Variants in SESTD1 observed in about 807,000 individuals in gnomAD.
The protein encoded by SESTD1 is SEC14 domain and spectrin repeat-containing protein 1.
In SESTD1, 43 loss-of-function variants were observed where a neutral mutation model predicts 101.7. That is an observed-to-expected ratio of 0.42 (90% CI 0.33 to 0.55). SESTD1 has a LOEUF of 0.55. Among genes scored for constraint, SESTD1 ranks in the 20% least tolerant of loss-of-function variants. The pLI is 0.07. For synonymous variants in SESTD1, 283 were observed against 286.8 expected, an observed-to-expected ratio of 0.99 and a Z score of 0.13; for missense variants, 647 against 815.1, an observed-to-expected ratio of 0.79 and a Z score of 2.51.
Position 179,206,463 on chromosome 2 carries a change from T to C in SESTD1, c.-25-14597A>G, listed in dbSNP as rs945628392. Among the ~76,000 whole-genome samples the C allele has an allele frequency of 2.2e-5, 3 of 135,252 alleles. 1 individual carries two copies. Among genetic ancestry groups the C allele is most frequent in the Non-Finnish European group, 3.2e-5 (2 of 62,812 alleles). The allele number at this position is 135,252 out of a possible 152,430, so 88.7% of individuals were successfully genotyped here. ...TGGATTTAGGGAGCTGTGTGAAATA[T>C]AAAAGGAGAAGCAGCAGCTGGAAGA... On this transcript the variant is annotated intron_variant, in intron 1 of 17. Coordinates refer to ENST00000428443, the MANE Select transcript of SESTD1 (RefSeq NM_178123.5).
At chr2:179,226,919 A>C (rs1456297940) in intron 1 of SESTD1, among the ~76,000 whole-genome samples, 5 of 152,202 alleles carry the variant, frequency 3.3e-5, no homozygotes, top group Non-Finnish European at 7.3e-5. Context: ...CAGAGGAAGC[A>C]GGAGAAAAAG....
intron 10 of SESTD1, chr2:179,132,023 A>C (rs753723518): frequency 1.0e-4 from 22 of 216,094 alleles, no homozygotes; most frequent in Non-Finnish European, 1.4e-4. Flanking sequence ...CTATTTTTGT[A>C]TTATCACTCT....
chr2:179,162,385 T>G (rs1288904522), intron 5 of SESTD1: 4 of 152,142 alleles, frequency 2.6e-5, no homozygotes, highest in African/African-American at 9.7e-5. Context: ...GAATACAAAG[T>G]TTAAAGAGAG....
intron 5 of SESTD1, among the ~76,000 whole-genome samples, chr2:179,163,875 A>G (rs2045787115): frequency 6.6e-6 from 1 of 152,196 alleles, no homozygotes; most frequent in South Asian, 2.1e-4. Context: ...TAACTTGCAG[A>G]AAGATTAAAA....
chr2:179,227,067 T>C (rs11898291), intron 1 of SESTD1, among the ~76,000 whole-genome samples: 68,599 of 152,082 alleles, frequency 0.45, 18,296 homozygotes, highest in African/African-American at 0.75. Flanking sequence ...CCATTAGGAT[T>C]ATGAATGAAG....
chr2:179,145,507 TA>T lies in SESTD1; in HGVS notation c.637+894del, dbSNP rs1043635476. 2.4e-4 allele frequency among the ~76,000 whole-genome samples: 36 copies of T among 152,058 alleles called. No homozygotes were observed. The East Asian group carries it at 4.4e-3, about 19-fold the overall frequency. On this transcript the variant is annotated intron_variant, in intron 8 of 17. Transcript: ENST00000428443. ...TAGGATTAGAATTATGAGCTATTAT[TA>T]AAAAAAAGATCAGAAATAAAATTGA...
chr2:179,237,729 A>G (rs951289905), intron 1 of SESTD1, among the ~76,000 whole-genome samples: 1 of 152,204 alleles, frequency 6.6e-6, no homozygotes, highest in Non-Finnish European at 1.5e-5. Context: ...TAGAAGCATA[A>G]AGGGTAACTT....
chr2:179,185,722 CATATTATATATAATATAA>C (rs2046213056), intron 2 of SESTD1, among the ~76,000 whole-genome samples: 1 of 56,996 alleles, frequency 1.8e-5, no homozygotes, highest in East Asian at 1.6e-3. Context: ...TATAATATAG[CATATTATATATAATATAA>C]TATAGTATAT....
chr2:179,259,734 GA>G (rs372629028), intron 1 of SESTD1, among the ~76,000 whole-genome samples: 8 of 148,746 alleles, frequency 5.4e-5, no homozygotes, highest in South Asian at 2.1e-4. Context: ...TACATGCAAA[GA>G]AAAAAAAAAT....
At chr2:179,170,049 G>C (rs1011480667) in intron 5 of SESTD1, among the ~76,000 whole-genome samples, 1 of 149,446 alleles carries the variant, frequency 6.7e-6, no homozygotes. Context: ...ACTCAAAATA[G>C]ATCACAGATC....
chr2:179,213,357 A>G (rs1181002056), intron 1 of SESTD1, among the ~76,000 whole-genome samples: 1 of 135,118 alleles, frequency 7.4e-6, no homozygotes, highest in Non-Finnish European at 1.6e-5. Context: ...CGCAGGCACA[A>G]GCTTCAATAG....
chr2:179,186,727 G>A (rs889922110), intron 2 of SESTD1, among the ~76,000 whole-genome samples: 42 of 135,334 alleles, frequency 3.1e-4, no homozygotes, highest in Admixed American at 1.3e-3. Context: ...TTGCTCTGTC[G>A]CCCAGGCTGG....
chr2:179,182,913 T>C (rs949707453), intron 3 of SESTD1, among the ~76,000 whole-genome samples, 167 bp downstream of exon 3: 1 of 151,722 alleles, frequency 6.6e-6, no homozygotes, highest in African/African-American at 2.4e-5. Flanking sequence ...AAAATAAGCA[T>C]TTTATCTGCA....
chr2:179,213,695 G>C (rs918825650), intron 1 of SESTD1, among the ~76,000 whole-genome samples: 3 of 134,880 alleles, frequency 2.2e-5, no homozygotes, highest in African/African-American at 8.8e-5. Flanking sequence ...ACACATAACT[G>C]TCAGATTCAC....
rs10683434 is a variant in SESTD1 at position 179,120,711 on chromosome 2, ATAGT to A, written c.1442+1055_1442+1058del. Among the ~76,000 whole-genome samples, 480 of 152,188 alleles carry A rather than the reference ATAGT, an allele frequency of 3.2e-3. 1 individual carries two copies. The highest frequency in any genetic ancestry group is 9.0e-3 in the African/African-American group (373 of 41,424). On this transcript the variant is annotated intron_variant, in intron 13 of 17. Transcript: ENST00000428443. ...GCTGGTAAGAGCAACACTGAATGAA[ATAGT>A]TAGGGTAGAAGTCAGACTGAAAAGA... is the stretch of plus-strand genomic sequence containing the variant.
intron 14 of SESTD1, 111 bp from the exon 15 acceptor site, chr2:179,116,901 T>TG: frequency 7.3e-7 from 1 of 1,373,682 alleles, no homozygotes; most frequent in Non-Finnish European, 9.8e-7. Flanking sequence ...CCGTTAATTA[T>TG]AACCTAAAGT....
chr2:179,194,148 C>G (rs1026797549), intron 1 of SESTD1, among the ~76,000 whole-genome samples: 4 of 152,178 alleles, frequency 2.6e-5, no homozygotes, highest in African/African-American at 4.8e-5. Context: ...AACAAACCAC[C>G]TTCACATTCA....
intron 3 of SESTD1, among the ~76,000 whole-genome samples, chr2:179,177,191 T>G (rs1188548773): frequency 1.3e-5 from 2 of 152,176 alleles, no homozygotes; most frequent in African/African-American, 4.8e-5. Context: ...GTGATTTAAC[T>G]ATTAACTAAA....
At chr2:179,189,208 A>G (rs2046282886) in intron 2 of SESTD1, among the ~76,000 whole-genome samples, 1 of 152,186 alleles carries the variant, frequency 6.6e-6, no homozygotes, top group South Asian at 2.1e-4. Context: ...CTCACAGCAA[A>G]CCAAAAAGTT....
Sources: gnomAD v4.1 joint callset for allele counts (sites outside exome capture counted in the v4.1 genomes callset) on GRCh38, gnomAD v4.1.1 for gene constraint, MANE v1.5 for transcripts, NCBI Gene and HGNC (gene_info 2026-07-23, HGNC 2026-07-21) for gene names.